The following FAF1 variants were observed in gnomAD, a reference collection of about 807,000 sequenced individuals.
FAF1 encodes Fas associated factor 1, also known as FAS-associated factor 1.
A neutral mutation model predicts 92.5 loss-of-function variants in FAF1; 25 were observed. That is an observed-to-expected ratio of 0.27 (90% confidence interval 0.20 to 0.38). FAF1 has a LOEUF of 0.38. Ranked by LOEUF, FAF1 falls within the 10% of genes least tolerant of loss-of-function variation. The probability of loss-of-function intolerance (pLI) is 1.00; values close to 1 mark genes in which losing one functional copy is unlikely to be tolerated. For missense variants in FAF1, 636 were observed against 793.3 expected (o/e 0.80, Z 2.38); for synonymous variants, 234 against 273.2 (o/e 0.86, Z 1.42).
At chr1:50,450,401 T>C (rs766925706) in intron 18 of FAF1, among the ~76,000 whole-genome samples, 37 of 152,312 alleles carry the variant, frequency 2.4e-4, no homozygotes, top group Non-Finnish European at 4.1e-4. Flanking sequence ...AAGGCCAGAA[T>C]TGTACCCTGG....
intron 13 of FAF1, among the ~76,000 whole-genome samples, chr1:50,541,557 C>T (rs1648757649): frequency 6.6e-6 from 1 of 151,924 alleles, no homozygotes; most frequent in African/African-American, 2.4e-5. Context: ...TGATCATTGG[C>T]AACCTCAAAA....
chr1:50,694,856 G>A (rs1445366864), intron 7 of FAF1, among the ~76,000 whole-genome samples: 3 of 151,456 alleles, frequency 2.0e-5, no homozygotes, highest in Non-Finnish European at 2.9e-5. Context: ...CCAGCTACTC[G>A]GGAGGCTGAG....
At chr1:50,482,442 T>C (rs554293077) in intron 17 of FAF1, among the ~76,000 whole-genome samples, 1 of 152,288 alleles carries the variant, frequency 6.6e-6, no homozygotes, top group African/African-American at 2.4e-5. Context: ...TTTTCATACA[T>C]ATTTTTGTAT....
At position 50,498,608 on chromosome 1, in the gene FAF1, G is replaced by A. The variant is rs949001000; in HGVS notation, c.1495-6807C>T. 3.9e-5 allele frequency among the ~76,000 whole-genome samples: 6 copies of A among 152,272 alleles called. No homozygotes were observed. In the South Asian group the frequency reaches 6.2e-4, roughly 16 times the overall value. On this transcript the variant is annotated intron_variant, in intron 15 of 18. Coordinates refer to ENST00000396153, the MANE Select transcript of FAF1 (RefSeq NM_007051.3). ...GGGACAACTGTAATCCCAGCACTTCGGGAGGCCAAGGTGGGTGGATCACCT... is the reference window on the plus strand; with the variant it reads ...GGGACAACTGTAATCCCAGCACTTCAGGAGGCCAAGGTGGGTGGATCACCT...
At chr1:50,631,049 C>G (rs1653763446) in intron 8 of FAF1, among the ~76,000 whole-genome samples, 1 of 151,938 alleles carries the variant, frequency 6.6e-6, no homozygotes, top group Non-Finnish European at 1.5e-5. Context: ...CTCGGCCTCC[C>G]AAAGTGCTGG....
chr1:50,588,417 A>G (rs549782764), intron 9 of FAF1, among the ~76,000 whole-genome samples: 1 of 152,130 alleles, frequency 6.6e-6, no homozygotes, highest in African/African-American at 2.4e-5. Context: ...ATTCCTTATG[A>G]TCCTTGTATT....
intron 8 of FAF1, among the ~76,000 whole-genome samples, chr1:50,615,416 T>G (rs138929118): frequency 2.3e-3 from 343 of 152,322 alleles, no homozygotes; most frequent in African/African-American, 8.0e-3. Context: ...GGTTGAATGG[T>G]AGCTCTGATT....
chr1:50,929,903 C>A (rs982166423), intron 1 of FAF1, among the ~76,000 whole-genome samples: 1 of 152,140 alleles, frequency 6.6e-6, no homozygotes, highest in African/African-American at 2.4e-5. Context: ...TAACGCTATA[C>A]AAATTGTCAG....
chr1:50,905,311 A>T (rs575967397), intron 1 of FAF1, among the ~76,000 whole-genome samples: 1 of 152,160 alleles, frequency 6.6e-6, no homozygotes, highest in African/African-American at 2.4e-5. Flanking sequence ...GTTGGTTCCA[A>T]GTCTTTGCTA....
intron 12 of FAF1, among the ~76,000 whole-genome samples, chr1:50,574,575 G>A (rs955841388): frequency 2.0e-5 from 3 of 152,162 alleles, no homozygotes; most frequent in Non-Finnish European, 2.9e-5. Flanking sequence ...AAAGGAGTGC[G>A]AATGTCAAGT....
intron 13 of FAF1, among the ~76,000 whole-genome samples, chr1:50,566,258 T>C (rs530280589): frequency 2.0e-5 from 3 of 151,950 alleles, no homozygotes; most frequent in Non-Finnish European, 4.4e-5. Flanking sequence ...AAAAGACAAA[T>C]CAGATGGTTT....
At chr1:50,728,234 G>C (rs567611605) in intron 6 of FAF1, among the ~76,000 whole-genome samples, 2 of 152,240 alleles carry the variant, frequency 1.3e-5, no homozygotes, top group African/African-American at 2.4e-5. Flanking sequence ...TGTGATATTT[G>C]AGTAGAGGCC....
intron 1 of FAF1, among the ~76,000 whole-genome samples, chr1:50,889,107 C>G (rs751756939): frequency 6.6e-6 from 1 of 152,138 alleles, no homozygotes; most frequent in African/African-American, 2.4e-5. Flanking sequence ...GTGTATGTAT[C>G]GAGGAATTTA....
intron 7 of FAF1, among the ~76,000 whole-genome samples, chr1:50,690,945 T>C (rs1443174985): frequency 1.3e-5 from 2 of 152,222 alleles, no homozygotes; most frequent in African/African-American, 2.4e-5. Flanking sequence ...AAATATTCCA[T>C]TGTATGGATA....
chr1:50,876,908 TGAA>T (rs1570089248), intron 1 of FAF1, among the ~76,000 whole-genome samples: 3 of 152,204 alleles, frequency 2.0e-5, no homozygotes, highest in African/African-American at 7.2e-5. Flanking sequence ...TTCAACAAAG[TGAA>T]GTAGTATTGA....
chr1:50,705,149 T>C (rs141443183), intron 7 of FAF1, among the ~76,000 whole-genome samples: 12 of 152,330 alleles, frequency 7.9e-5, no homozygotes, highest in Middle Eastern at 6.8e-3. Flanking sequence ...TCCATGAAGA[T>C]AGAATTACTA....
In FAF1 at chr1:50,718,064, G is replaced by C. The variant is rs182929981; in HGVS notation, c.552-12173C>G. 4.2e-4 allele frequency among the ~76,000 whole-genome samples: 63 copies of C among 151,568 alleles called. No homozygotes were observed. The East Asian group carries it at 8.9e-3, about 21-fold the overall frequency. ...AGACGGAGTCTCGCTTTGTCACCCA[G>C]GCTGGAGTGCAATGGTGTGGTCTCG... On this transcript the variant is annotated intron_variant, in intron 6 of 18. Coordinates refer to ENST00000396153, the MANE Select transcript of FAF1 (RefSeq NM_007051.3).
At chr1:50,670,169 TAA>T (rs1655809824) in intron 7 of FAF1, among the ~76,000 whole-genome samples, 1 of 151,902 alleles carries the variant, frequency 6.6e-6, no homozygotes, top group South Asian at 2.1e-4. Flanking sequence ...AAAAATGTTT[TAA>T]GTTTATTTAT....
At chr1:50,564,918 G>A (rs932873253) in intron 13 of FAF1, among the ~76,000 whole-genome samples, 10 of 151,578 alleles carry the variant, frequency 6.6e-5, no homozygotes, top group African/African-American at 2.2e-4. Flanking sequence ...CTTAACAGTA[G>A]TAATGATGGA....
Sources: allele counts gnomAD v4.1 joint callset (sites outside exome capture counted in the v4.1 genomes callset), GRCh38; gene constraint gnomAD v4.1.1; transcripts MANE v1.5; gene names NCBI Gene and HGNC (gene_info 2026-07-23, HGNC 2026-07-21).